Variants in CCDC69 observed in about 807,000 individuals in gnomAD.
CCDC69 encodes the protein coiled-coil domain containing 69, also known as coiled-coil domain-containing protein 69.
In CCDC69, 38 loss-of-function variants were observed where a neutral mutation model predicts 40.3. The observed-to-expected ratio is 0.94, with a 90% confidence interval of 0.73 to 1.24. CCDC69 has a LOEUF of 1.24. Ranked by LOEUF, CCDC69 falls within the 50% of genes most tolerant of loss-of-function variation. CCDC69 has a pLI of 0.00. For missense variants in CCDC69, 389 were observed against 357.9 expected, an observed-to-expected ratio of 1.09 and a Z score of -0.70; for synonymous variants, 141 against 138.9, an observed-to-expected ratio of 1.02 and a Z score of -0.11.
At chr5:151,208,277 T>C (rs144713572) in intron 1 of CCDC69, among the ~76,000 whole-genome samples, 30 of 151,996 alleles carry the variant, frequency 2.0e-4, no homozygotes, top group Non-Finnish European at 4.3e-4. Flanking sequence ...AAAACACAAG[T>C]CAAACTATGA....
chr5:151,214,079 C>A (rs1224058290), intron 1 of CCDC69, among the ~76,000 whole-genome samples: 1 of 152,202 alleles, frequency 6.6e-6, no homozygotes, highest in African/African-American at 2.4e-5. Context: ...GGAAGCAGAG[C>A]CCTGGGGAGA....
chr5:151,201,528 C>T, intron 3 of CCDC69, 54 bp downstream of exon 3: 1 of 1,242,518 alleles, frequency 8.0e-7, no homozygotes, highest in Non-Finnish European at 1.2e-6. Flanking sequence ...CTCTGGGATT[C>T]ACCAAAGTTA....
intron 1 of CCDC69, among the ~76,000 whole-genome samples, chr5:151,217,812 T>C (rs746800376): frequency 6.6e-6 from 1 of 152,222 alleles, no homozygotes; most frequent in African/African-American, 2.4e-5. Context: ...TTTCAAATAA[T>C]GTCGCATTTA....
Position 151,181,304 on chromosome 5 carries a change from C to T in CCDC69, c.*2133G>A, listed in dbSNP as rs1277183014. ...CGATCTTGGCTCACTGCAAGCTCCG[C>T]CTCCTGGGTTCACACCATTCTCCAG... On this transcript the variant is annotated 3_prime_UTR_variant, in exon 9 of 9. Coordinates refer to ENST00000355417, the MANE Select transcript of CCDC69 (RefSeq NM_015621.3). 1 of 152,206 alleles carries T rather than the reference C, an allele frequency of 6.6e-6. No homozygotes were observed. The highest frequency in any genetic ancestry group is 1.5e-5 in the Non-Finnish European group (1 of 68,068). 9.4% of individuals were successfully genotyped at this position (152,206 alleles called of 1,614,324 possible). A position where few individuals can be genotyped will look rare whatever the true frequency, so the allele number is the denominator to read the frequency against.
Position 151,185,532 on chromosome 5 carries a change from T to C in CCDC69, c.505A>G (p.Ser169Gly), listed in dbSNP as rs777289751. 1.2e-6 allele frequency: 2 copies of C among 1,613,852 alleles called. No homozygotes were observed. The highest frequency in any genetic ancestry group is 1.7e-6 in the Non-Finnish European group (2 of 1,179,906). ...TCCTGCTCCCAGAACTGGCTGGGGC[T>C]CCCATAATCCTAGACAGGGACAGAG... ...NYKKHIQDYGSPSQFWEQELE... is the reference protein window; with the variant it reads ...NYKKHIQDYGGPSQFWEQELE... Residue 169 changes from serine (S) to glycine (G), a missense_variant, in exon 7 of 9, where the codon AGC becomes GGC. Coordinates refer to ENST00000355417, the MANE Select transcript of CCDC69 (RefSeq NM_015621.3).
Position 151,182,840 on chromosome 5 carries a change from C to T in CCDC69, c.*597G>A, listed in dbSNP as rs1260173096. ...TCAGCCCCAAGGGCCTTCAGAGACC[C>T]CCTCTCTACCACTCACCTTCCCCAC... On this transcript the variant is annotated 3_prime_UTR_variant, in exon 9 of 9. Coordinates refer to ENST00000355417, the MANE Select transcript of CCDC69 (RefSeq NM_015621.3). The T allele has an allele frequency of 1.4e-5, 5 of 350,708 alleles. No homozygotes were observed. Among genetic ancestry groups the T allele is most frequent in the South Asian group, 2.1e-5 (1 of 47,206 alleles). 21.7% of individuals were successfully genotyped at this position (350,708 alleles called of 1,614,324 possible). A position where few individuals can be genotyped will look rare whatever the true frequency, so the allele number is the denominator to read the frequency against.
At chr5:151,219,481 A>G (rs1753105760) in intron 1 of CCDC69, among the ~76,000 whole-genome samples, 1 of 152,180 alleles carries the variant, frequency 6.6e-6, no homozygotes, top group Non-Finnish European at 1.5e-5. Context: ...CACGCGTCCA[A>G]ACCGGTTAAA....
At chr5:151,184,515 T>G in intron 7 of CCDC69, 74 bp from the exon 8 acceptor site, 1 of 908,972 alleles carries the variant, frequency 1.1e-6, no homozygotes, top group South Asian at 1.4e-5. Context: ...CTCCCTCTTA[T>G]CTGTGGTCAC....
At chr5:151,196,409 G>A (rs1407153899) in intron 4 of CCDC69, among the ~76,000 whole-genome samples, 4 of 152,034 alleles carry the variant, frequency 2.6e-5, no homozygotes, top group South Asian at 4.1e-4. Flanking sequence ...CACCCGCCTC[G>A]GCCTCCCAAA....
intron 1 of CCDC69, among the ~76,000 whole-genome samples, chr5:151,213,060 C>T (rs756840961): frequency 2.6e-5 from 4 of 152,100 alleles, no homozygotes; most frequent in African/African-American, 7.2e-5. Flanking sequence ...CACTGATGTT[C>T]GGCAAGTGAA....
At chr5:151,193,811 C>T (rs1043877762) in intron 4 of CCDC69, among the ~76,000 whole-genome samples, 48 of 152,024 alleles carry the variant, frequency 3.2e-4, no homozygotes, top group African/African-American at 1.1e-3. Flanking sequence ...AAAAAATCAC[C>T]CCACTGGCTA....
Position 151,182,665 on chromosome 5 carries a change from G to A in CCDC69, c.*772C>T, listed in dbSNP as rs747778715. On this transcript the variant is annotated 3_prime_UTR_variant, in exon 9 of 9. Transcript: ENST00000355417. ...ACTCACAACCACCAAGCTTGCCCCTGTGCCCAGGTGGCACCAAGACTGAAG... is the reference window on the plus strand; with the variant it reads ...ACTCACAACCACCAAGCTTGCCCCTATGCCCAGGTGGCACCAAGACTGAAG... 53 of 250,386 alleles carry A rather than the reference G, an allele frequency of 2.1e-4. No individual in the cohort carries two copies. Among genetic ancestry groups the A allele is most frequent in the Middle Eastern group, 3.0e-3 (2 of 666 alleles). 15.5% of individuals were successfully genotyped at this position (250,386 alleles called of 1,614,324 possible). A position where few individuals can be genotyped will look rare whatever the true frequency, so the allele number is the denominator to read the frequency against.
intron 3 of CCDC69, among the ~76,000 whole-genome samples, chr5:151,200,733 T>C (rs367736820): frequency 6.6e-6 from 1 of 152,242 alleles, no homozygotes; most frequent in African/African-American, 2.4e-5. Flanking sequence ...TCATGTTTCA[T>C]GGCCTTGACA....
At chr5:151,201,800 C>T in intron 2 of CCDC69, 112 bp from the exon 3 acceptor site, 1 of 585,992 alleles carries the variant, frequency 1.7e-6, no homozygotes, top group Non-Finnish European at 2.9e-6. Context: ...GAACCCTGGT[C>T]TCTGCCTCAA....
intron 2 of CCDC69, among the ~76,000 whole-genome samples, chr5:151,203,059 C>T (rs577326010): frequency 2.0e-5 from 3 of 152,240 alleles, no homozygotes; most frequent in South Asian, 2.1e-4. Context: ...TATTATTACC[C>T]CCATGCTACA....
chr5:151,196,084 T>C (rs982157681), intron 4 of CCDC69, among the ~76,000 whole-genome samples: 1 of 152,202 alleles, frequency 6.6e-6, no homozygotes, highest in Admixed American at 6.5e-5. Context: ...ACATATTTGA[T>C]ACAATGTTAA....
intron 1 of CCDC69, among the ~76,000 whole-genome samples, chr5:151,211,518 CTTTTTT>C (rs774546814): frequency 9.2e-6 from 1 of 108,768 alleles, no homozygotes; most frequent in Non-Finnish European, 1.8e-5. Context: ...TTTGCATCTG[CTTTTTT>C]TTTTTTTTTT....
At chr5:151,184,644 G>A (rs1015637848) in intron 7 of CCDC69, 12 of 488,430 alleles carry the variant, frequency 2.5e-5, no homozygotes, top group African/African-American at 2.1e-4. Context: ...CAGGAGAATG[G>A]TAAAAAAAAA....
rs768229072 is a variant in CCDC69, at chr5:151,186,115, C to G, written c.403G>C (p.Asp135His). The G allele has an allele frequency of 6.2e-6, 10 of 1,611,866 alleles. No individual in the cohort carries two copies. Among genetic ancestry groups the G allele is most frequent in the Middle Eastern group, 3.3e-4 (2 of 6,082 alleles). ...GCCTCCAGCTGTGAGGTCAGTCTGT[C>G]TATGGTCTCCTGGAGCAGGGAGTGG... is the stretch of plus-strand genomic sequence containing the variant. Reference protein sequence around the residue: ...EASSTQQETIDRLTSQLEAFQ... With the variant: ...EASSTQQETIHRLTSQLEAFQ... Residue 135 changes from aspartate to histidine, a missense_variant, in exon 6 of 9, where the codon GAC becomes CAC. Transcript: ENST00000355417.
Sources: gnomAD v4.1 joint callset for allele counts (sites outside exome capture counted in the v4.1 genomes callset) on GRCh38, gnomAD v4.1.1 for gene constraint, MANE v1.5 for transcripts, NCBI Gene and HGNC (gene_info 2026-07-23, HGNC 2026-07-21) for gene names.